The following CYP51A1 variants were observed in gnomAD, a reference collection of about 807,000 sequenced individuals.
The protein encoded by CYP51A1 is lanosterol 14-alpha demethylase.
In CYP51A1, 45 loss-of-function variants were observed where a neutral mutation model predicts 53.5. That is an observed-to-expected ratio of 0.84 (90% CI 0.66 to 1.08). The LOEUF is 1.08. Ranked by LOEUF, CYP51A1 falls within the 50% of genes least tolerant of loss-of-function variation. CYP51A1 has a pLI of 0.00. For missense variants in CYP51A1, 462 were observed against 621.7 expected, an observed-to-expected ratio of 0.74 and a Z score of 2.73; for synonymous variants, 181 against 217.7, an observed-to-expected ratio of 0.83 and a Z score of 1.48.
chr7:92,113,823 C>T lies in CYP51A1; in HGVS notation c.1372G>A (p.Glu458Lys), dbSNP rs1159509770. Residue 458 changes from glutamate to lysine, a missense_variant, in exon 10 of 10, where the codon GAA (glutamate) becomes AAA (lysine). Transcript: ENST00000003100. ...FGAGRHRCIG[E>K]NFAYVQIKTI... ...TTAATTTGAACATAGGCAAAATTTT[C>T]CCCAATACAACGATGACGCCCTAAA... 1 of 1,604,378 alleles carries T rather than the reference C, an allele frequency of 6.2e-7. No homozygotes were observed. The highest frequency in any genetic ancestry group is 1.8e-5 in the Admixed American group (1 of 56,960).
Position 92,112,306 on chromosome 7 carries a change from T to C in CYP51A1, c.*1359A>G, listed in dbSNP as rs1819383723. The C allele has an allele frequency of 1.3e-5, 2 of 152,334 alleles. No individual in the cohort carries two copies. Among genetic ancestry groups the C allele is most frequent in the Non-Finnish European group, 2.9e-5 (2 of 68,030 alleles). The allele number at this position is 152,334 out of a possible 1,614,324, so 9.4% of individuals were successfully genotyped here. On this transcript the variant is annotated 3_prime_UTR_variant, in exon 10 of 10. Transcript: ENST00000003100. ...CCTAGTGAAAACAGACGATGTGGTA[T>C]TTTTTCAGCCATCTCATATAGTTAG...
At chr7:92,128,453 TGTGCGC>T (rs1278082675) in intron 3 of CYP51A1, among the ~76,000 whole-genome samples, 4 of 142,646 alleles carry the variant, frequency 2.8e-5, no homozygotes, top group Admixed American at 6.8e-5. Flanking sequence ...TGTGTGTGTG[TGTGCGC>T]GTGCGTGTGT....
intron 2 of CYP51A1, 50 bp from the exon 3 acceptor site, chr7:92,129,106 T>C: frequency 8.0e-7 from 1 of 1,242,362 alleles, no homozygotes; most frequent in Non-Finnish European, 1.1e-6. Flanking sequence ...TATGCAACAC[T>C]ACGACAGTAA....
In CYP51A1 at chr7:92,118,687, CTTAG is replaced by C. The variant is rs142919284; in HGVS notation, c.1087-76_1087-73del. Reference sequence around the variant, plus strand: ...ACAGTACAAAAAATTAGTTTAACTTCTTAGTTAGTACAAGACAGCTTGCATTCCA... The same window carrying C: ...ACAGTACAAAAAATTAGTTTAACTTCTTAGTACAAGACAGCTTGCATTCCA... On this transcript the variant is annotated intron_variant, in intron 7 of 9. Coordinates refer to ENST00000003100, the MANE Select transcript of CYP51A1 (RefSeq NM_000786.4). 4.5e-3 allele frequency: 3,895 copies of C among 869,972 alleles called. 19 individuals carry two copies. The highest frequency in any genetic ancestry group is 0.013 in the Middle Eastern group (58 of 4,572). 53.9% of individuals were successfully genotyped at this position (869,972 alleles called of 1,614,324 possible).
upstream of CYP51A1, chr7:92,134,763 G>A (rs1181049726): frequency 1.6e-5 from 3 of 192,576 alleles, no homozygotes; most frequent in Non-Finnish European, 3.2e-5. Flanking sequence ...GCTGAGCGGA[G>A]GGATCTCAGG....
At chr7:92,134,490 A>AC, upstream of CYP51A1, 1 of 1,022,406 alleles carries the variant, frequency 9.8e-7, no homozygotes, top group Non-Finnish European at 1.4e-6. Flanking sequence ...ACCCAGCCCC[A>AC]CCCCTCGGGT....
intron 1 of CYP51A1, 121 bp downstream of exon 1, chr7:92,134,052 G>T: frequency 1.1e-6 from 1 of 912,466 alleles, no homozygotes; most frequent in Non-Finnish European, 1.6e-6. Context: ...AAGCATGGCC[G>T]CAGTCGCCCC....
chr7:92,112,540 G>A lies in CYP51A1; in HGVS notation c.*1125C>T, dbSNP rs1819415198. Reference sequence around the variant, plus strand: ...TCCCTAATTGGATTCTAGAGAGGAAGCAGGGAAGGCCAGGTGCGGTGGCTC... The same window carrying A: ...TCCCTAATTGGATTCTAGAGAGGAAACAGGGAAGGCCAGGTGCGGTGGCTC... On this transcript the variant is annotated 3_prime_UTR_variant, in exon 10 of 10. Coordinates refer to ENST00000003100, the MANE Select transcript of CYP51A1 (RefSeq NM_000786.4). 3 of 152,180 alleles carry A rather than the reference G, an allele frequency of 2.0e-5. No homozygotes were observed. The highest frequency in any genetic ancestry group is 4.4e-5 in the Non-Finnish European group (3 of 68,064). 9.4% of individuals were successfully genotyped at this position (152,180 alleles called of 1,614,324 possible).
chr7:92,121,136 A>G (rs2106171), intron 7 of CYP51A1, among the ~76,000 whole-genome samples: 60,380 of 151,822 alleles, frequency 0.4, 12,295 homozygotes, highest in African/African-American at 0.46. Flanking sequence ...CCAAAAATAC[A>G]AAAATTAGCC....
chr7:92,127,152 A>G (rs1459639259), intron 4 of CYP51A1, among the ~76,000 whole-genome samples: 1 of 152,240 alleles, frequency 6.6e-6, no homozygotes, highest in Admixed American at 6.5e-5. Context: ...AAATATATCA[A>G]TATCAACTTA....
intron 7 of CYP51A1, among the ~76,000 whole-genome samples, chr7:92,121,546 A>G (rs945687172): frequency 6.6e-6 from 1 of 152,248 alleles, no homozygotes; most frequent in East Asian, 1.9e-4. Flanking sequence ...TATTCATAAT[A>G]GTTTAAAAGG....
Position 92,127,620 on chromosome 7 carries a change from C to T in CYP51A1, c.480G>A (p.Glu160=), listed in dbSNP as rs1441588060. ...AYDVPNPVFL[E]QKKMLKSGLN... ...GGCCACTTTTTAACATTTTCTTCTG[C>T]TCCAAGAAAACCTTCAAAAAAATTC... is the stretch of plus-strand genomic sequence containing the variant. Residue 160 remains glutamate (E), a synonymous_variant, in exon 4 of 10, where the codon GAG becomes GAA. Transcript: ENST00000003100. 6.2e-7 allele frequency: 1 copy of T among 1,613,506 alleles called. No individual in the cohort carries two copies. Among genetic ancestry groups the T allele is most frequent in the Non-Finnish European group, 8.5e-7 (1 of 1,179,722 alleles).
intron 8 of CYP51A1, 90 bp from the exon 9 acceptor site, chr7:92,117,302 T>C (rs1819598493): frequency 1.8e-6 from 2 of 1,109,320 alleles, no homozygotes; most frequent in Non-Finnish European, 2.6e-6. Flanking sequence ...TGAATATACA[T>C]GGGATACTCA....
chr7:92,114,277 C>T (rs1000457167), intron 9 of CYP51A1, among the ~76,000 whole-genome samples: 3 of 152,000 alleles, frequency 2.0e-5, no homozygotes, highest in Non-Finnish European at 2.9e-5. Context: ...AAATAATATA[C>T]TAAAAAGTCA....
chr7:92,114,250 G>A (rs1819535419), intron 9 of CYP51A1, among the ~76,000 whole-genome samples: 1 of 152,094 alleles, frequency 6.6e-6, no homozygotes, highest in African/African-American at 2.4e-5. Context: ...GGAAGAAAAT[G>A]AGATTTAATG....
Position 92,126,391 on chromosome 7 carries a change from G to A in CYP51A1, c.632C>T (p.Thr211Ile), listed in dbSNP as rs760031694. 5.0e-6 allele frequency: 8 copies of A among 1,613,480 alleles called. No homozygotes were observed. The highest frequency in any genetic ancestry group is 3.3e-5 in the Admixed American group (2 of 59,906). Residue 211 changes from threonine to isoleucine, a missense_variant, in exon 5 of 10, where the codon ACA (threonine) becomes ATA (isoleucine). Transcript: ENST00000003100. ...CTTTCCATGCAAACAATGGCTAGCTGTTAAAATTATGAGCTCAGAAAGAGC... is the reference window on the plus strand; with the variant it reads ...CTTTCCATGCAAACAATGGCTAGCTATTAAAATTATGAGCTCAGAAAGAGC... ...FEALSELIIL[T>I]ASHCLHGKEI...
In CYP51A1 at chr7:92,123,842, C is replaced by T. The variant is rs1176047095; in HGVS notation, c.782G>A (p.Arg261Lys). 2 of 1,605,690 alleles carry T rather than the reference C, an allele frequency of 1.2e-6. No individual in the cohort carries two copies. Among genetic ancestry groups the T allele is most frequent in the Admixed American group, 1.7e-5 (1 of 58,530 alleles). The stretch of plus-strand genomic sequence containing the variant: ...AATATCCTTGATTTCCCGATGAGCT[C>T]TGTCCCTGCGTCTGTAATTAAAAGA... The part of the protein sequence containing the change: ...LPLPSFRRRD[R>K]AHREIKDIFY... The change falls in exon 6 of 10, where the codon AGA (arginine) becomes AAA (lysine). Residue 261 changes from arginine to lysine, a missense_variant. Arg to Lys is a conservative substitution (Grantham distance 26). Transcript: ENST00000003100.
chr7:92,128,596 G>GC (rs1819853346), intron 3 of CYP51A1, among the ~76,000 whole-genome samples: 1 of 152,010 alleles, frequency 6.6e-6, no homozygotes, highest in African/African-American at 2.4e-5. Context: ...CGATTCTCAT[G>GC]CCTCAGCCTC....
chr7:92,120,143 G>T (rs1819661158), intron 7 of CYP51A1, among the ~76,000 whole-genome samples: 1 of 152,130 alleles, frequency 6.6e-6, no homozygotes, highest in Admixed American at 6.5e-5. Flanking sequence ...ATAAGAGAAA[G>T]ACATCTCATG....
Sources: gnomAD v4.1 joint callset for allele counts (sites outside exome capture counted in the v4.1 genomes callset) on GRCh38, gnomAD v4.1.1 for gene constraint, MANE v1.5 for transcripts, NCBI Gene and HGNC (gene_info 2026-07-23, HGNC 2026-07-21) for gene names.